RPS6KC1: variants seen among roughly 807,000 people sequenced by gnomAD.
RPS6KC1 encodes inactive ribosomal protein S6 kinase delta-1.
Under a neutral mutation model 103.8 loss-of-function variants are expected in RPS6KC1, and 54 were observed. That is an observed-to-expected ratio of 0.52 (90% CI 0.42 to 0.65). The LOEUF is 0.65. RPS6KC1 is among the 30% of genes least tolerant of loss of function. The pLI is 0.00. For missense variants in RPS6KC1, 1,151 were observed against 1,253.8 expected (o/e 0.92, Z 1.24); for synonymous variants, 439 against 438.7 (o/e 1.00, Z -0.01).
At chr1:213,190,749 C>T (rs1045586036) in intron 8 of RPS6KC1, among the ~76,000 whole-genome samples, 1 of 152,088 alleles carries the variant, frequency 6.6e-6, no homozygotes, top group Non-Finnish European at 1.5e-5. Flanking sequence ...TGGAGAGTTT[C>T]GCCAGTGTTT....
intron 1 of RPS6KC1, among the ~76,000 whole-genome samples, chr1:213,068,212 G>A (rs755795018): frequency 4.6e-5 from 7 of 152,016 alleles, no homozygotes; most frequent in Admixed American, 2.6e-4. Flanking sequence ...ACGGCGGGGC[G>A]CAGTGGCTCA....
At chr1:213,270,848 A>G (rs116406124) in intron 14 of RPS6KC1, among the ~76,000 whole-genome samples, 1,704 of 152,318 alleles carry the variant, frequency 0.011, 38 homozygotes, top group African/African-American at 0.037. Flanking sequence ...GCTCAACATT[A>G]TTAGTTGTTA....
the RPS6KC1 span, among the ~76,000 whole-genome samples, chr1:213,640,032 G>C: frequency 2.0e-5 from 3 of 151,938 alleles, no homozygotes; most frequent in African/African-American, 7.2e-5. Context: ...TGGAGTTTCT[G>C]TTCTGAAAGA....
chr1:213,292,786 A>T, the RPS6KC1 span, among the ~76,000 whole-genome samples: 1 of 152,218 alleles, frequency 6.6e-6, no homozygotes, highest in African/African-American at 2.4e-5. Context: ...GGCCCTCTTA[A>T]ACTATGATCG....
At chr1:213,777,233 G>A in the RPS6KC1 span, among the ~76,000 whole-genome samples, 14 of 152,104 alleles carry the variant, frequency 9.2e-5, no homozygotes, top group Non-Finnish European at 1.5e-4. Flanking sequence ...AGCTTTTGGC[G>A]TTTGTTGGCA....
At chr1:213,831,586 T>C in the RPS6KC1 span, among the ~76,000 whole-genome samples, 1 of 152,216 alleles carries the variant, frequency 6.6e-6, no homozygotes, top group Non-Finnish European at 1.5e-5. Flanking sequence ...TTTGTCACAA[T>C]AGCAGGAGGA....
the RPS6KC1 span, among the ~76,000 whole-genome samples, chr1:213,279,892 A>C: frequency 6.6e-6 from 1 of 152,190 alleles, no homozygotes; most frequent in African/African-American, 2.4e-5. Context: ...TCCCAAACCT[A>C]TTGAATTGGA....
chr1:213,562,381 T>G, the RPS6KC1 span, among the ~76,000 whole-genome samples: 1 of 83,136 alleles, frequency 1.2e-5, no homozygotes, highest in African/African-American at 5.5e-5. Flanking sequence ...TTTTTTTTTT[T>G]TTTTTTTTTT....
At chr1:213,385,733 G>A in the RPS6KC1 span, among the ~76,000 whole-genome samples, 1 of 152,170 alleles carries the variant, frequency 6.6e-6, no homozygotes, top group African/African-American at 2.4e-5. Flanking sequence ...GGTGCACTGA[G>A]TTGACAATTT....
intron 7 of RPS6KC1, among the ~76,000 whole-genome samples, chr1:213,175,121 T>C (rs2091779202): frequency 6.6e-6 from 1 of 152,208 alleles, no homozygotes; most frequent in Non-Finnish European, 1.5e-5. Context: ...CAGTTGTAAA[T>C]GACACCTAAT....
chr1:213,694,196 C>T, the RPS6KC1 span, among the ~76,000 whole-genome samples: 2 of 152,236 alleles, frequency 1.3e-5, 1 homozygote, highest in South Asian at 4.1e-4. Flanking sequence ...CTCCCACTGA[C>T]TTTAAGAGAA....
chr1:213,767,560 C>A, the RPS6KC1 span, among the ~76,000 whole-genome samples: 1 of 151,738 alleles, frequency 6.6e-6, no homozygotes, highest in South Asian at 2.1e-4. Flanking sequence ...TGTTCAATAT[C>A]TCTCTCTGTC....
the RPS6KC1 span, among the ~76,000 whole-genome samples, chr1:213,287,190 ATTGG>A: frequency 2.6e-5 from 4 of 151,934 alleles, no homozygotes; most frequent in East Asian, 1.9e-4. Flanking sequence ...GAAGATTATG[ATTGG>A]TTGGGGCACG....
the RPS6KC1 span, among the ~76,000 whole-genome samples, chr1:213,495,456 G>A: frequency 4.0e-4 from 61 of 152,200 alleles, no homozygotes; most frequent in East Asian, 0.011. Flanking sequence ...TGAGTAGCTG[G>A]GATTACAGGT....
intron 1 of RPS6KC1, among the ~76,000 whole-genome samples, chr1:213,066,692 A>G (rs1167917092): frequency 6.6e-6 from 1 of 152,152 alleles, no homozygotes; most frequent in Non-Finnish European, 1.5e-5. Flanking sequence ...TCCCTGACTG[A>G]CTAAAATTAG....
the RPS6KC1 span, among the ~76,000 whole-genome samples, chr1:213,523,819 G>T: frequency 1.3e-5 from 2 of 152,062 alleles, no homozygotes; most frequent in Non-Finnish European, 2.9e-5. Flanking sequence ...CTAATCAGGG[G>T]ATTGGAAAGG....
chr1:213,610,491 A>C, the RPS6KC1 span, among the ~76,000 whole-genome samples: 1 of 152,192 alleles, frequency 6.6e-6, no homozygotes, highest in Non-Finnish European at 1.5e-5. Context: ...AACCTCGACC[A>C]TCAGGGACAC....
chr1:213,361,928 G>A, the RPS6KC1 span, among the ~76,000 whole-genome samples: 1 of 152,342 alleles, frequency 6.6e-6, no homozygotes, highest in African/African-American at 2.4e-5. Context: ...AAGGGTGATG[G>A]AATACCCTCT....
At chr1:213,372,473 G>A in the RPS6KC1 span, among the ~76,000 whole-genome samples, 4 of 152,184 alleles carry the variant, frequency 2.6e-5, no homozygotes, top group African/African-American at 4.8e-5. Context: ...CCATCCTGTC[G>A]AGGGGGAGCA....
Sources: allele counts gnomAD v4.1 joint callset (sites outside exome capture counted in the v4.1 genomes callset), GRCh38; gene constraint gnomAD v4.1.1; transcripts MANE v1.5; gene names NCBI Gene and HGNC (gene_info 2026-07-23, HGNC 2026-07-21).